The following SLC10A7 variants were observed in gnomAD, a reference collection of about 807,000 sequenced individuals.
The protein encoded by SLC10A7 is solute carrier family 10 member 7.
Under a neutral mutation model 43.2 loss-of-function variants are expected in SLC10A7, and 29 were observed. That is an observed-to-expected ratio of 0.67 (90% confidence interval 0.50 to 0.92). SLC10A7 has a LOEUF of 0.92. SLC10A7 is among the 40% of genes least tolerant of loss of function. The pLI, the probability that SLC10A7 is intolerant of heterozygous loss-of-function variation, is 0.00. For missense variants in SLC10A7, 295 were observed against 403.2 expected (o/e 0.73, Z 2.30); for synonymous variants, 152 against 144.8 (o/e 1.05, Z -0.35).
chr4:146,411,919 T>C (rs1728222330), intron 5 of SLC10A7, among the ~76,000 whole-genome samples: 1 of 152,154 alleles, frequency 6.6e-6, no homozygotes, highest in South Asian at 2.1e-4. Flanking sequence ...AGTTTAAATG[T>C]AAAAGGCACC....
chr4:146,364,176 C>A (rs10050271), intron 5 of SLC10A7, among the ~76,000 whole-genome samples: 1 of 151,620 alleles, frequency 6.6e-6, no homozygotes, highest in Non-Finnish European at 1.5e-5. Context: ...ACTGAAATCA[C>A]AGAAATCTGA....
At chr4:146,429,449 T>C (rs1289600139) in intron 5 of SLC10A7, among the ~76,000 whole-genome samples, 2 of 152,150 alleles carry the variant, frequency 1.3e-5, no homozygotes, top group African/African-American at 4.8e-5. Flanking sequence ...ATATTGAAGA[T>C]AGATAGAGTA....
At chr4:146,308,827 G>A (rs923400301) in intron 6 of SLC10A7, among the ~76,000 whole-genome samples, 8 of 152,020 alleles carry the variant, frequency 5.3e-5, no homozygotes, top group African/African-American at 1.9e-4. Context: ...CCATTAGCTT[G>A]GTTTCTTTGT....
chr4:146,266,884 T>C (rs1332315817), intron 10 of SLC10A7, among the ~76,000 whole-genome samples: 1 of 152,192 alleles, frequency 6.6e-6, no homozygotes, highest in Admixed American at 6.5e-5. Flanking sequence ...TTTGTCAGTT[T>C]TTGGATTTTT....
rs79938523 is a variant in SLC10A7 at position 146,255,349 on chromosome 4, T to C, written c.*1142A>G. ...ATTTTGGTTATTAAATGGTTTTGCA[T>C]GTTCTTTTCATCTGGAGAGACAGAA... On this transcript the variant is annotated 3_prime_UTR_variant, in exon 12 of 12. Coordinates refer to ENST00000335472, the MANE Select transcript of SLC10A7 (RefSeq NM_001029998.6). The C allele has an allele frequency of 9.1e-3, 1,384 of 152,788 alleles. 38 individuals are homozygous for C. Among genetic ancestry groups the C allele is most frequent in the East Asian group, 0.061 (314 of 5,186 alleles). The allele number at this position is 152,788 out of a possible 1,614,324, so 9.5% of individuals were successfully genotyped here. A position where few individuals can be genotyped will look rare whatever the true frequency, so the allele number is the denominator to read the frequency against.
At chr4:146,346,948 T>C (rs1490302410) in intron 5 of SLC10A7, among the ~76,000 whole-genome samples, 1 of 152,146 alleles carries the variant, frequency 6.6e-6, no homozygotes, top group Non-Finnish European at 1.5e-5. Context: ...GGTGGCCTGG[T>C]CTCTATCCTA....
At chr4:146,398,711 A>G (rs1739009171) in intron 5 of SLC10A7, among the ~76,000 whole-genome samples, 1 of 152,266 alleles carries the variant, frequency 6.6e-6, no homozygotes, top group Non-Finnish European at 1.5e-5. Flanking sequence ...AACAACAAGT[A>G]CATCCTGAAA....
intron 4 of SLC10A7, among the ~76,000 whole-genome samples, chr4:146,455,716 T>G (rs1731987991): frequency 6.6e-6 from 1 of 151,956 alleles, no homozygotes; most frequent in African/African-American, 2.4e-5. Flanking sequence ...CAAAAAGGAC[T>G]ATACTGAAAT....
intron 5 of SLC10A7, among the ~76,000 whole-genome samples, chr4:146,369,449 T>C (rs1736618114): frequency 6.6e-6 from 1 of 152,200 alleles, no homozygotes; most frequent in Admixed American, 6.6e-5. Flanking sequence ...CATTTTTAAA[T>C]ATCAGAGGTC....
rs1035126575 is a variant in SLC10A7, at chr4:146,358,875, T to C, written c.436-32879A>G. Among the ~76,000 whole-genome samples the C allele has an allele frequency of 3.9e-5, 6 of 152,204 alleles. No individual in the cohort carries two copies. In the East Asian group the frequency reaches 9.6e-4, roughly 24 times the overall value. On this transcript the variant is annotated intron_variant, in intron 5 of 11. Coordinates refer to ENST00000335472, the MANE Select transcript of SLC10A7 (RefSeq NM_001029998.6). ...TTGATGAACATTTGCATTCATTCTG[T>C]TGGATACAACACCTGAGAGTAGAAC...
chr4:146,282,457 T>C (rs1311234056), intron 10 of SLC10A7, among the ~76,000 whole-genome samples: 1 of 152,148 alleles, frequency 6.6e-6, no homozygotes, highest in Non-Finnish European at 1.5e-5. Context: ...TAATATGAGT[T>C]TTTGCCATAA....
At chr4:146,256,797 TG>T in intron 11 of SLC10A7, 1 of 1,477,640 alleles carries the variant, frequency 6.8e-7, no homozygotes, top group Non-Finnish European at 9.1e-7. Flanking sequence ...CAGTACTGTG[TG>T]CAAAGCAGAG....
chr4:146,396,042 A>T (rs1035049023), intron 5 of SLC10A7, among the ~76,000 whole-genome samples: 2 of 152,132 alleles, frequency 1.3e-5, no homozygotes, highest in Non-Finnish European at 2.9e-5. Flanking sequence ...TTTCTCCCAC[A>T]TCCTTCCAAT....
At chr4:146,330,628 G>C (rs1733467197) in intron 5 of SLC10A7, among the ~76,000 whole-genome samples, 1 of 152,062 alleles carries the variant, frequency 6.6e-6, no homozygotes, top group Non-Finnish European at 1.5e-5. Flanking sequence ...TAAGTTTTGG[G>C]GAAGTCATCG....
rs1440821742 is a variant in SLC10A7, at chr4:146,305,499, C to T, written c.555+427G>A. 2.7e-5 allele frequency among the ~76,000 whole-genome samples: 4 copies of T among 150,542 alleles called. No individual in the cohort carries two copies. In the East Asian group the frequency reaches 7.9e-4, roughly 30 times the overall value. On this transcript the variant is annotated intron_variant, in intron 7 of 11. Coordinates refer to ENST00000335472, the MANE Select transcript of SLC10A7 (RefSeq NM_001029998.6). ...AGATGACAAGTTAGTGGGTGCAGTG[C>T]ACCAGCATGGCACATGTATACATAT...
intron 5 of SLC10A7, among the ~76,000 whole-genome samples, chr4:146,332,107 T>C (rs952723315): frequency 1.3e-5 from 2 of 152,146 alleles, no homozygotes; most frequent in African/African-American, 4.8e-5. Flanking sequence ...TTTCCTCTCC[T>C]CTGACTATAC....
intron 4 of SLC10A7, among the ~76,000 whole-genome samples, chr4:146,454,622 C>G (rs1210512534): frequency 6.6e-6 from 1 of 151,782 alleles, no homozygotes; most frequent in Non-Finnish European, 1.5e-5. Flanking sequence ...TTCCTTTGTG[C>G]TTCTCCTAGA....
chr4:146,264,775 C>CCAG (rs1490673530), intron 10 of SLC10A7, among the ~76,000 whole-genome samples: 1 of 152,192 alleles, frequency 6.6e-6, no homozygotes, highest in East Asian at 1.9e-4. Context: ...ATTTGTTCTT[C>CCAG]CACCTCTAGA....
intron 10 of SLC10A7, among the ~76,000 whole-genome samples, chr4:146,270,658 A>G (rs1430634829): frequency 6.6e-6 from 1 of 152,166 alleles, no homozygotes; most frequent in African/African-American, 2.4e-5. Flanking sequence ...CAGGTCTGGT[A>G]TTGCGGTGGA....
Sources: gnomAD v4.1 joint callset for allele counts (sites outside exome capture counted in the v4.1 genomes callset) on GRCh38, gnomAD v4.1.1 for gene constraint, MANE v1.5 for transcripts, NCBI Gene and HGNC (gene_info 2026-07-23, HGNC 2026-07-21) for gene names.